The following NXNL2 variants were observed in gnomAD, a reference collection of about 807,000 sequenced individuals.
NXNL2 encodes nucleoredoxin like 2, also known as nucleoredoxin-like protein 2.
In NXNL2, 7 loss-of-function variants were observed where a neutral mutation model predicts 11.1. That is an observed-to-expected ratio of 0.63 (90% confidence interval 0.36 to 1.18). The LOEUF (loss-of-function observed/expected upper bound fraction) is 1.18, where lower values mean the gene tolerates loss of function less well. Among genes scored for constraint, NXNL2 ranks in the 50% most tolerant of loss-of-function variants. The probability of loss-of-function intolerance (pLI) is 0.02; values close to 1 mark genes in which losing one functional copy is unlikely to be tolerated. For synonymous variants in NXNL2, 109 were observed against 101.8 expected, an observed-to-expected ratio of 1.07 and a Z score of -0.42; for missense variants, 233 against 217.7, an observed-to-expected ratio of 1.07 and a Z score of -0.44.
At chr9:88,560,207 G>A (rs948971225) in intron 1 of NXNL2, among the ~76,000 whole-genome samples, 70 of 152,054 alleles carry the variant, frequency 4.6e-4, no homozygotes, top group African/African-American at 1.4e-3. Flanking sequence ...GCCCTTCCTG[G>A]ACCTCTGGAT....
At chr9:88,549,083 T>A (rs1410329351), downstream of NXNL2, among the ~76,000 whole-genome samples, 1 of 152,218 alleles carries the variant, frequency 6.6e-6, no homozygotes, top group Non-Finnish European at 1.5e-5. Flanking sequence ...TGTGGTATTT[T>A]GTGATAGCAG....
chr9:88,537,115 G>A (rs970355983), intron 1 of NXNL2, among the ~76,000 whole-genome samples: 21 of 152,308 alleles, frequency 1.4e-4, no homozygotes, highest in Admixed American at 5.9e-4. Context: ...TTATTGCTGA[G>A]CATATGATAC....
Sources: allele counts gnomAD v4.1 joint callset (sites outside exome capture counted in the v4.1 genomes callset), GRCh38; gene constraint gnomAD v4.1.1; transcripts MANE v1.5; gene names NCBI Gene and HGNC (gene_info 2026-07-23, HGNC 2026-07-21).